The following MICU2 variants were observed in gnomAD, a reference collection of about 807,000 sequenced individuals.
MICU2 encodes calcium uptake protein 2, mitochondrial.
Under a neutral mutation model 60.4 loss-of-function variants are expected in MICU2, and 64 were observed. The observed-to-expected ratio is 1.06, with a 90% CI of 0.87 to 1.31. The LOEUF (loss-of-function observed/expected upper bound fraction) is 1.31. Among genes scored for constraint, MICU2 ranks in the 50% most tolerant of loss-of-function variants. The probability of loss-of-function intolerance (pLI) is 0.00; values close to 1 mark genes in which losing one functional copy is unlikely to be tolerated. For missense variants in MICU2, 569 were observed against 531.0 expected (o/e 1.07, Z -0.70); for synonymous variants, 201 against 175.0 (o/e 1.15, Z -1.17).
chr13:21,501,602 A>G (rs1025369834), intron 9 of MICU2, among the ~76,000 whole-genome samples: 3 of 152,170 alleles, frequency 2.0e-5, no homozygotes, highest in Non-Finnish European at 4.4e-5. Context: ...TGGTATTTTT[A>G]TTGAAACCCA....
intron 1 of MICU2, among the ~76,000 whole-genome samples, chr13:21,596,599 T>C (rs1332220438): frequency 6.6e-6 from 1 of 152,050 alleles, no homozygotes; most frequent in African/African-American, 2.4e-5. Context: ...AATTTTTGTA[T>C]TTTTGGTAAA....
chr13:21,514,415 G>A lies in MICU2; in HGVS notation c.601C>T (p.Gln201Ter). The A allele has an allele frequency of 1.2e-6, 2 of 1,612,532 alleles. No individual in the cohort carries two copies. The highest frequency in any genetic ancestry group is 1.7e-5 in the Admixed American group (1 of 59,876). Reference sequence around the variant, plus strand: ...TCATCTTGTTTACTTATGATCTTCTGCAGCTAAAAAGATTACAAACATGAG... The same window carrying A: ...TCATCTTGTTTACTTATGATCTTCTACAGCTAAAAAGATTACAAACATGAG... ...MIEKREFFKL[Q>*]KIISKQDDLM... The change falls in exon 7 of 12, where the codon CAG (glutamine) becomes TAG (stop). Residue 201 changes from glutamine (Q) to a stop codon, truncating the protein, a stop_gained. Transcript: ENST00000382374. LOFTEE classifies it high-confidence loss of function.
At chr13:21,549,182 G>GC (rs1887492145) in intron 2 of MICU2, among the ~76,000 whole-genome samples, 1 of 152,068 alleles carries the variant, frequency 6.6e-6, no homozygotes, top group Non-Finnish European at 1.5e-5. Context: ...GCCCGCCTTG[G>GC]CCTCCCAACG....
In MICU2 at chr13:21,552,612, T is replaced by A. The variant is rs1324844231; in HGVS notation, c.359-12924A>T. On this transcript the variant is annotated intron_variant, in intron 2 of 11. Transcript: ENST00000382374. ...ATCTTGAATTAATTTTTGTATGAGGTGTAAGGAAGGGATCCAGTTTCAGCT... is the reference window on the plus strand; with the variant it reads ...ATCTTGAATTAATTTTTGTATGAGGAGTAAGGAAGGGATCCAGTTTCAGCT... Among the ~76,000 whole-genome samples the A allele has an allele frequency of 5.3e-5, 8 of 152,274 alleles. No homozygotes were observed. In the East Asian group the frequency reaches 1.5e-3, roughly 29 times the overall value.
At chr13:21,541,306 C>T (rs1314877770) in intron 2 of MICU2, among the ~76,000 whole-genome samples, 1 of 151,990 alleles carries the variant, frequency 6.6e-6, no homozygotes, top group Non-Finnish European at 1.5e-5. Flanking sequence ...GTAATGTTTG[C>T]TTCCCTCCAG....
intron 2 of MICU2, among the ~76,000 whole-genome samples, chr13:21,557,977 T>C (rs1887748926): frequency 6.6e-6 from 1 of 152,230 alleles, no homozygotes; most frequent in Non-Finnish European, 1.5e-5. Flanking sequence ...AAGCAGTTTC[T>C]GTTACCTGCT....
At chr13:21,563,319 G>A (rs994856304) in intron 2 of MICU2, among the ~76,000 whole-genome samples, 22 of 152,074 alleles carry the variant, frequency 1.4e-4, no homozygotes, top group African/African-American at 5.3e-4. Flanking sequence ...GTCGGGCGTG[G>A]TGGCGGGCAC....
In MICU2 at chr13:21,521,245, C is replaced by G; in HGVS notation, c.597G>C (p.Lys199Asn). The G allele has an allele frequency of 3.1e-6, 5 of 1,595,654 alleles. No individual in the cohort carries two copies. Among genetic ancestry groups the G allele is most frequent in the Non-Finnish European group, 4.3e-6 (5 of 1,172,416 alleles). Residue 199 changes from lysine to asparagine, a missense_variant and splice_region_variant, in exon 6 of 12, where the codon AAG (lysine) becomes AAC (asparagine). Transcript: ENST00000382374. Reference protein sequence around the residue: ...NEMIEKREFFKLQKIISKQDD... With the variant: ...NEMIEKREFFNLQKIISKQDD... ...CCTAAAATAATTAGCGTCCACTTACCTTAAAAAATTCCCTTTTTTCAATCA... is the reference window on the plus strand; with the variant it reads ...CCTAAAATAATTAGCGTCCACTTACGTTAAAAAATTCCCTTTTTTCAATCA...
chr13:21,515,768 G>A (rs1886555533), intron 6 of MICU2: 1 of 174,280 alleles, frequency 5.7e-6, no homozygotes, highest in East Asian at 1.5e-4. Context: ...TTAGGCAAGT[G>A]GTTTATTTCT....
intron 4 of MICU2, among the ~76,000 whole-genome samples, chr13:21,536,858 C>CT (rs1887141945): frequency 6.6e-6 from 1 of 152,190 alleles, no homozygotes; most frequent in Admixed American, 6.5e-5. Context: ...CTCTCAGATC[C>CT]TTGATAAGGT....
intron 6 of MICU2, among the ~76,000 whole-genome samples, chr13:21,517,815 A>ACGCGCGCG (rs1566144928): frequency 6.8e-5 from 10 of 146,178 alleles, no homozygotes; most frequent in Non-Finnish European, 1.1e-4. Flanking sequence ...GCGCGCGCGC[A>ACGCGCGCG]CACGCGCTAC....
In MICU2 at chr13:21,539,308, C is replaced by G. The variant is rs140786216; in HGVS notation, c.460G>C (p.Asp154His). The G allele has an allele frequency of 1.9e-6, 3 of 1,613,240 alleles. No homozygotes were observed. The highest frequency in any genetic ancestry group is 1.3e-5 in the African/African-American group (1 of 74,838). ...AACAACAAACCAAAATTACCTTTAT[C>G]GCCAAGGTCTCTGAAAAAAGTTGAT... is the stretch of plus-strand genomic sequence containing the variant. ...CGSTFFRDLG[D>H]KGLISYTEYL... Residue 154 changes from aspartate (D) to histidine (H), a missense_variant, in exon 4 of 12, where the codon GAT becomes CAT. Asp to His is a moderately conservative substitution (Grantham distance 81, BLOSUM62 -1). Coordinates refer to ENST00000382374, the MANE Select transcript of MICU2 (RefSeq NM_152726.3).
intron 8 of MICU2, among the ~76,000 whole-genome samples, chr13:21,507,922 TTCTC>T (rs1306027795): frequency 1.3e-5 from 2 of 151,774 alleles, no homozygotes; most frequent in East Asian, 1.9e-4. Flanking sequence ...TTCTTTTTCT[TTCTC>T]TCTTTCTTTC....
At chr13:21,554,568 C>G (rs1168938322) in intron 2 of MICU2, among the ~76,000 whole-genome samples, 1 of 151,964 alleles carries the variant, frequency 6.6e-6, no homozygotes, top group African/African-American at 2.4e-5. Context: ...AAAATGCCCA[C>G]AAGAGAAAGC....
At chr13:21,588,139 C>T (rs981623067) in intron 1 of MICU2, among the ~76,000 whole-genome samples, 10 of 152,136 alleles carry the variant, frequency 6.6e-5, no homozygotes, top group African/African-American at 1.4e-4. Flanking sequence ...CTGCCCCAAC[C>T]GGTTTTTGTA....
chr13:21,522,567 C>T, intron 5 of MICU2, 36 bp downstream of exon 5: 1 of 1,527,926 alleles, frequency 6.5e-7, no homozygotes, highest in South Asian at 1.2e-5. Context: ...ACAGAGAATT[C>T]CACATGATCT....
intron 1 of MICU2, among the ~76,000 whole-genome samples, chr13:21,595,064 A>C (rs1443584815): frequency 1.3e-5 from 2 of 152,234 alleles, no homozygotes; most frequent in African/African-American, 2.4e-5. Context: ...AAGAATAAAA[A>C]CCAGAAACTT....
intron 7 of MICU2, 120 bp downstream of exon 7, chr13:21,514,233 C>G (rs949130834): frequency 3.9e-6 from 3 of 764,808 alleles, no homozygotes; most frequent in Non-Finnish European, 6.4e-6. Flanking sequence ...TGGTGCATGA[C>G]TGTATTAAAA....
At chr13:21,557,824 T>C (rs1482307836) in intron 2 of MICU2, among the ~76,000 whole-genome samples, 1 of 152,242 alleles carries the variant, frequency 6.6e-6, no homozygotes, top group African/African-American at 2.4e-5. Flanking sequence ...AAATGCCTTC[T>C]GATAGTTTAA....
Sources: gnomAD v4.1 joint callset for allele counts (sites outside exome capture counted in the v4.1 genomes callset) on GRCh38, gnomAD v4.1.1 for gene constraint, MANE v1.5 for transcripts, NCBI Gene and HGNC (gene_info 2026-07-23, HGNC 2026-07-21) for gene names.